The following IGSF22 variants were observed in gnomAD, a reference collection of about 807,000 sequenced individuals.
IGSF22 encodes the protein immunoglobulin superfamily member 22.
Under a neutral mutation model 127.0 loss-of-function variants are expected in IGSF22, and 119 were observed. The ratio of observed to expected loss-of-function variants is 0.94; its 90% CI spans 0.81 to 1.09. The LOEUF (loss-of-function observed/expected upper bound fraction) is 1.09. Ranked by LOEUF, IGSF22 falls within the 50% of genes least tolerant of loss-of-function variation. IGSF22 has a pLI of 0.00. For missense variants in IGSF22, 1,518 were observed against 1,716.6 expected (o/e 0.88, Z 2.04); for synonymous variants, 568 against 664.7 (o/e 0.85, Z 2.24).
chr11:18,706,568 C>T (rs1848238534), intron 21 of IGSF22: 1 of 350,316 alleles, frequency 2.9e-6, no homozygotes, highest in Non-Finnish European at 5.2e-6. Flanking sequence ...CCCCTAGCCT[C>T]CAGGGATCCC....
chr11:18,718,964 T>C (rs1001438714), intron 7 of IGSF22, among the ~76,000 whole-genome samples: 1 of 152,190 alleles, frequency 6.6e-6, no homozygotes, highest in African/African-American at 2.4e-5. Flanking sequence ...GGGCCCATTA[T>C]ATAGATTCCC....
At position 18,715,819 on chromosome 11, in the gene IGSF22, C is replaced by G; in HGVS notation, c.1247-103G>C. 4 of 1,280,234 alleles carry G rather than the reference C, an allele frequency of 3.1e-6. No homozygotes were observed. The South Asian group carries it at 5.5e-5, about 18-fold the overall frequency. 79.3% of individuals were successfully genotyped at this position (1,280,234 alleles called of 1,614,324 possible). A position where few individuals can be genotyped will look rare whatever the true frequency, so the allele number is the denominator to read the frequency against. On this transcript the variant is annotated intron_variant, in intron 10 of 22. Coordinates refer to ENST00000513874, the MANE Select transcript of IGSF22 (RefSeq NM_173588.4). ...TCCCTCTTTCTGTCCCCAGAAAACA[C>G]AAGAACTTGTGATGCTGAATGTGTT...
chr11:18,716,647 T>C lies in IGSF22; in HGVS notation c.1246+81A>G. ...TGCAAAAAGGAGATGGATGGATAGA[T>C]GGATATATAAATGATGACTACCTGC... On this transcript the variant is annotated intron_variant, in intron 10 of 22. Coordinates refer to ENST00000513874, the MANE Select transcript of IGSF22 (RefSeq NM_173588.4). The surrounding 1 kb of genome is among the most constrained non-coding windows in gnomAD (Gnocchi z 4.5). 1 of 1,404,208 alleles carries C rather than the reference T, an allele frequency of 7.1e-7. No homozygotes were observed. Among genetic ancestry groups the C allele is most frequent in the Non-Finnish European group, 9.9e-7 (1 of 1,007,410 alleles). 87.0% of individuals were successfully genotyped at this position (1,404,208 alleles called of 1,614,324 possible). A position where few individuals can be genotyped will look rare whatever the true frequency, so the allele number is the denominator to read the frequency against.
In IGSF22 at chr11:18,706,133, G is replaced by C; in HGVS notation, c.3594C>G (p.Ser1198Arg). The C allele has an allele frequency of 6.5e-7, 1 of 1,541,732 alleles. No individual in the cohort carries two copies. Among genetic ancestry groups the C allele is most frequent in the South Asian group, 1.2e-5 (1 of 83,984 alleles). The change falls in exon 22 of 23, where the codon AGC becomes AGG. Residue 1198 changes from serine (S) to arginine (R), a missense_variant. Coordinates refer to ENST00000513874, the MANE Select transcript of IGSF22 (RefSeq NM_173588.4). ...LINKDQIQDL[S>R]AKLKPYEKKD... ...TCTTCTCGTAGGGCTTGAGCTTGGC[G>C]CTCAGGTCCTGGACTGCGCGGGCGG... is the stretch of plus-strand genomic sequence containing the variant.
Position 18,704,572 on chromosome 11 carries a change from T to C in IGSF22, c.3911-34A>G, listed in dbSNP as rs146332021. ...GCAAAGGAAGTATTCGTTATATTAA[T>C]GATGCTGGCGACCAGGGAAATTCCA... is the stretch of plus-strand genomic sequence containing the variant. On this transcript the variant is annotated intron_variant, in intron 22 of 22. Transcript: ENST00000513874. The C allele has an allele frequency of 6.1e-5, 82 of 1,350,798 alleles. No individual in the cohort carries two copies. The African/African-American group carries it at 1.1e-3, about 18-fold the overall frequency. 83.7% of individuals were successfully genotyped at this position (1,350,798 alleles called of 1,614,324 possible). A position where few individuals can be genotyped will look rare whatever the true frequency, so the allele number is the denominator to read the frequency against.
At chr11:18,715,339 G>A (rs945496918) in intron 11 of IGSF22, 93 bp downstream of exon 11, 37 of 1,319,556 alleles carry the variant, frequency 2.8e-5, no homozygotes, top group Non-Finnish European at 3.8e-5. Flanking sequence ...CAGGAGGGTT[G>A]GAGTTAGTGG....
rs147689726 is a variant in IGSF22 at position 18,725,770 on chromosome 11, T to G, written c.-34+304A>C. Among the ~76,000 whole-genome samples, 13 of 152,262 alleles carry G rather than the reference T, an allele frequency of 8.5e-5. No homozygotes were observed. In the East Asian group the frequency reaches 2.5e-3, roughly 29 times the overall value. On this transcript the variant is annotated intron_variant, in intron 1 of 22. Coordinates refer to ENST00000513874, the MANE Select transcript of IGSF22 (RefSeq NM_173588.4). ...TTGCAGTTTTTAAAGTCCTATTTCG[T>G]ATATGAGGAAACTGATGTCTGAAAG...
chr11:18,723,568 C>G (rs984057137), intron 2 of IGSF22, among the ~76,000 whole-genome samples: 1 of 152,248 alleles, frequency 6.6e-6, no homozygotes, highest in Non-Finnish European at 1.5e-5. Context: ...CCACTAGAGA[C>G]GTGACTAAAA....
At position 18,709,816 on chromosome 11, in the gene IGSF22, T is replaced by G; in HGVS notation, c.2702-133A>C. ...CTCCAGATCCCTCAGTTAACACCCT[T>G]AGTACCTAGCCTTATACACTCAACC... On this transcript the variant is annotated intron_variant, in intron 17 of 22. Coordinates refer to ENST00000513874, the MANE Select transcript of IGSF22 (RefSeq NM_173588.4). This position sits in a 1 kb window ranked among gnomAD's most constrained non-coding sequence, Gnocchi z 4.8. 1.2e-6 allele frequency: 1 copy of G among 843,158 alleles called. No individual in the cohort carries two copies. Among genetic ancestry groups the G allele is most frequent in the Non-Finnish European group, 1.8e-6 (1 of 549,790 alleles). The allele number at this position is 843,158 out of a possible 1,614,324, so 52.2% of individuals were successfully genotyped here.
In IGSF22 at chr11:18,708,100, G is replaced by A. The variant is rs993300625; in HGVS notation, c.3088-104C>T. On this transcript the variant is annotated intron_variant, in intron 19 of 22. Transcript: ENST00000513874. ...TTCCTGCCAGGCTGTCGCACTAGGG[G>A]TCTGGTGAGGGGCAGAGTCAGAGTC... is the stretch of plus-strand genomic sequence containing the variant. 2.6e-6 allele frequency: 4 copies of A among 1,526,872 alleles called. No homozygotes were observed. In the African/African-American group the frequency reaches 5.5e-5, roughly 21 times the overall value. 94.6% of individuals were successfully genotyped at this position (1,526,872 alleles called of 1,614,324 possible).
intron 16 of IGSF22, 83 bp from the exon 17 acceptor site, chr11:18,710,538 A>G: frequency 1.3e-6 from 2 of 1,592,710 alleles, no homozygotes; most frequent in South Asian, 2.2e-5. Context: ...AGAGGAGGTC[A>G]TGGGATGTTG....
At chr11:18,704,670 G>A in intron 22 of IGSF22, 132 bp from the exon 23 acceptor site, 3 of 659,388 alleles carry the variant, frequency 4.5e-6, no homozygotes, top group Non-Finnish European at 8.2e-6. Context: ...GGCAGAGTGT[G>A]AAGGGGCAAG....
At chr11:18,721,756 C>T in intron 3 of IGSF22, 85 bp from the exon 4 acceptor site, 1 of 1,598,202 alleles carries the variant, frequency 6.3e-7, no homozygotes, top group Non-Finnish European at 8.5e-7. Flanking sequence ...TGCCTCCTCC[C>T]AGACACCTGG....
At chr11:18,721,868 A>C in intron 3 of IGSF22, 42 bp downstream of exon 3, 1 of 1,608,672 alleles carries the variant, frequency 6.2e-7, no homozygotes, top group Non-Finnish European at 8.5e-7. Context: ...TCGATTAGAA[A>C]GCGAAGCACT....
intron 21 of IGSF22, 35 bp from the exon 22 acceptor site, chr11:18,706,181 C>T (rs1379513877): frequency 6.7e-7 from 1 of 1,502,360 alleles, no homozygotes; most frequent in African/African-American, 1.4e-5. Flanking sequence ...CGTGAGGGCG[C>T]CCCAAGGCCC....
intron 14 of IGSF22, 80 bp from the exon 15 acceptor site, chr11:18,712,464 C>A: frequency 7.7e-7 from 1 of 1,294,926 alleles, no homozygotes; most frequent in Non-Finnish European, 1.1e-6. Flanking sequence ...CAAAGGTCTG[C>A]CCAGACTAGG....
chr11:18,720,422 G>A, intron 4 of IGSF22, 137 bp from the exon 5 acceptor site: 1 of 637,448 alleles, frequency 1.6e-6, no homozygotes, highest in Non-Finnish European at 2.7e-6. Flanking sequence ...GGAGGATTGA[G>A]CAGCCTGTAT....
At chr11:18,725,371 G>A (rs543515443) in intron 1 of IGSF22, among the ~76,000 whole-genome samples, 2 of 152,044 alleles carry the variant, frequency 1.3e-5, no homozygotes, top group Non-Finnish European at 2.9e-5. Flanking sequence ...CGATTGATCC[G>A]CCTGCCTTGG....
Position 18,713,981 on chromosome 11 carries a change from T to C in IGSF22, c.1966A>G (p.Met656Val), listed in dbSNP as rs753419955. 2 of 1,614,280 alleles carry C rather than the reference T, an allele frequency of 1.2e-6. No individual in the cohort carries two copies. The highest frequency in any genetic ancestry group is 1.6e-4 in the Middle Eastern group (1 of 6,062). ...AGTGCCTGGTCTTCCCCGCGCTCCA[T>C]GGACACGCGTTCCTCCTCCGTCACT... is the stretch of plus-strand genomic sequence containing the variant. ...MEVTEEERVS[M>V]ERGEDQALLT... Residue 656 changes from methionine (M) to valine (V), a missense_variant, in exon 14 of 23, where the codon ATG (methionine) becomes GTG (valine). By Grantham distance (21) the Met-to-Val change is conservative (BLOSUM62 1). This residue lies in a region of IGSF22 where 1,456 missense variants were observed against 1,644.9 expected (regional missense o/e 0.89). Transcript: ENST00000513874.
Sources: gnomAD v4.1 joint callset for allele counts (sites outside exome capture counted in the v4.1 genomes callset) on GRCh38, gnomAD v4.1.1 for gene constraint, gnomAD v4.1.1 regional missense constraint, Gnocchi (gnomAD v3.1) non-coding constraint, MANE v1.5 for transcripts, NCBI Gene and HGNC (gene_info 2026-07-23, HGNC 2026-07-21) for gene names.